The following ARL13B variants were observed in gnomAD, a reference collection of about 807,000 sequenced individuals.
ARL13B encodes ARF like GTPase 13B.
Under a neutral mutation model 56.1 loss-of-function variants are expected in ARL13B, and 36 were observed. The observed-to-expected ratio is 0.64, with a 90% CI of 0.49 to 0.85. ARL13B has a LOEUF of 0.85. ARL13B is among the 40% of genes least tolerant of loss of function. The pLI, the probability that ARL13B is intolerant of heterozygous loss-of-function variation, is 0.00. For synonymous variants in ARL13B, 178 were observed against 171.1 expected (o/e 1.04, Z -0.32); for missense variants, 519 against 507.1 (o/e 1.02, Z -0.23).
At chr3:94,041,250 A>T (rs920146626) in intron 6 of ARL13B, among the ~76,000 whole-genome samples, 6 of 152,142 alleles carry the variant, frequency 3.9e-5, no homozygotes, top group African/African-American at 1.4e-4. Flanking sequence ...GATCAATGGA[A>T]CGAATATTAA....
chr3:93,985,630 A>G (rs1710426831), intron 1 of ARL13B, among the ~76,000 whole-genome samples: 1 of 152,210 alleles, frequency 6.6e-6, no homozygotes, highest in African/African-American at 2.4e-5. Context: ...AAGATATAAT[A>G]AGTACCATAT....
chr3:94,044,575 C>T (rs1326348585), intron 7 of ARL13B, among the ~76,000 whole-genome samples: 8 of 139,468 alleles, frequency 5.7e-5, no homozygotes, highest in African/African-American at 1.9e-4. Context: ...TGGCCGCCAC[C>T]GCATCTGGGA....
intron 3 of ARL13B, among the ~76,000 whole-genome samples, chr3:94,017,708 G>T (rs2076361306): frequency 1.3e-5 from 2 of 152,116 alleles, no homozygotes; most frequent in African/African-American, 4.8e-5. Flanking sequence ...CAATAATCAG[G>T]CAGGGTCTCT....
intron 7 of ARL13B, 67 bp downstream of exon 7, chr3:94,043,307 A>C: frequency 2.3e-4 from 317 of 1,354,650 alleles, no homozygotes; most frequent in Non-Finnish European, 2.9e-4. Flanking sequence ...ACTTCATCTC[A>C]TTTTTTATGT....
At chr3:94,005,988 A>G (rs553414627) in intron 3 of ARL13B, among the ~76,000 whole-genome samples, 5 of 152,310 alleles carry the variant, frequency 3.3e-5, no homozygotes, top group East Asian at 3.9e-4. Flanking sequence ...CAAGTAATGT[A>G]TACAGTATTC....
chr3:94,046,613 T>C (rs925581143), intron 7 of ARL13B, among the ~76,000 whole-genome samples: 2 of 152,128 alleles, frequency 1.3e-5, no homozygotes, highest in African/African-American at 4.8e-5. Flanking sequence ...CTGTTTTGGC[T>C]ATTACAAATA....
At chr3:94,006,853 C>G (rs992124546) in intron 3 of ARL13B, among the ~76,000 whole-genome samples, 12 of 152,044 alleles carry the variant, frequency 7.9e-5, no homozygotes, top group African/African-American at 2.9e-4. Flanking sequence ...TATAATAGGT[C>G]TGGCACTGAC....
chr3:94,029,340 T>A (rs867243949), intron 3 of ARL13B, among the ~76,000 whole-genome samples: 59 of 63,040 alleles, frequency 9.4e-4, no homozygotes, highest in African/African-American at 2.1e-3. Context: ...ATATATTTAT[T>A]TTTTTTTTAT....
intron 1 of ARL13B, among the ~76,000 whole-genome samples, chr3:93,991,766 A>T (rs2075881214): frequency 6.6e-6 from 1 of 152,240 alleles, no homozygotes; most frequent in African/African-American, 2.4e-5. Context: ...TTTTAGGTGA[A>T]TGTTAACCTT....
intron 3 of ARL13B, among the ~76,000 whole-genome samples, chr3:94,024,692 C>G (rs2076519886): frequency 6.6e-6 from 1 of 152,018 alleles, no homozygotes; most frequent in African/African-American, 2.4e-5. Context: ...CTCAAGTGAT[C>G]CTTCTCCCTC....
At chr3:93,985,532 A>G (rs1486069582) in intron 1 of ARL13B, among the ~76,000 whole-genome samples, 1 of 152,222 alleles carries the variant, frequency 6.6e-6, no homozygotes, top group Non-Finnish European at 1.5e-5. Flanking sequence ...TTCTTTGTTT[A>G]TATGAAAATA....
intron 6 of ARL13B, among the ~76,000 whole-genome samples, chr3:94,040,984 C>T (rs1263372826): frequency 6.6e-6 from 1 of 151,796 alleles, no homozygotes; most frequent in East Asian, 1.9e-4. Context: ...AGAAAGTTCC[C>T]AAATTAATAA....
chr3:93,980,203 C>T lies in ARL13B; in HGVS notation c.-221C>T. 1 of 702,886 alleles carries T rather than the reference C, an allele frequency of 1.4e-6. No homozygotes were observed. The highest frequency in any genetic ancestry group is 2.6e-6 in the Non-Finnish European group (1 of 388,960). 43.5% of individuals were successfully genotyped at this position (702,886 alleles called of 1,614,324 possible). A position where few individuals can be genotyped will look rare whatever the true frequency, so the allele number is the denominator to read the frequency against. On this transcript the variant is annotated 5_prime_UTR_variant, in exon 1 of 10. Coordinates refer to ENST00000394222, the MANE Select transcript of ARL13B (RefSeq NM_001174150.2). ...TAACTCGGCTACGGTGTATCTGCGT[C>T]TTTGGTCAGGTTGTTCCTTGGCTAA...
rs1394028422 is a variant in ARL13B, at chr3:94,036,543, C to A, written c.487-9C>A. 9 of 1,613,368 alleles carry A rather than the reference C, an allele frequency of 5.6e-6. No individual in the cohort carries two copies. Among genetic ancestry groups the A allele is most frequent in the East Asian group, 2.2e-5 (1 of 44,834 alleles). On this transcript the variant is annotated splice_polypyrimidine_tract_variant and intron_variant, in intron 4 of 9. Coordinates refer to ENST00000394222, the MANE Select transcript of ARL13B (RefSeq NM_001174150.2). ...TTTAATCTTTTAGTCAAATAAATTT[C>A]TGTTTTAGGAACCATGTTCAGCAAT...
chr3:93,997,454 C>A (rs1191700672), intron 2 of ARL13B, among the ~76,000 whole-genome samples: 1 of 152,180 alleles, frequency 6.6e-6, no homozygotes, highest in Non-Finnish European at 1.5e-5. Context: ...ACCTCAAATG[C>A]TACTCTGTAA....
At chr3:94,051,932 T>A (rs1006529524) in intron 9 of ARL13B, among the ~76,000 whole-genome samples, 1 of 151,890 alleles carries the variant, frequency 6.6e-6, no homozygotes, top group East Asian at 1.9e-4. Flanking sequence ...TTTTTTTTTT[T>A]AAAGACAGAA....
chr3:94,006,212 T>A (rs928802104), intron 3 of ARL13B, among the ~76,000 whole-genome samples: 10 of 152,204 alleles, frequency 6.6e-5, no homozygotes, highest in African/African-American at 2.4e-4. Flanking sequence ...GGAGAATTGC[T>A]TGAAACCTGG....
intron 1 of ARL13B, among the ~76,000 whole-genome samples, chr3:93,993,010 G>A (rs1230285613): frequency 1.4e-5 from 2 of 146,706 alleles, no homozygotes; most frequent in South Asian, 2.1e-4. Context: ...TCACCGTGTC[G>A]TCCAGGCTAG....
chr3:93,984,369 T>C (rs1006982512), intron 1 of ARL13B, among the ~76,000 whole-genome samples: 5 of 150,702 alleles, frequency 3.3e-5, no homozygotes, highest in Admixed American at 6.6e-5. Context: ...AAAAAAAAAA[T>C]TAAAAAGAAG....
Sources: allele counts gnomAD v4.1 joint callset (sites outside exome capture counted in the v4.1 genomes callset), GRCh38; gene constraint gnomAD v4.1.1; transcripts MANE v1.5; gene names NCBI Gene and HGNC (gene_info 2026-07-23, HGNC 2026-07-21).